The following VGLL4 variants were observed in gnomAD, a reference collection of about 807,000 sequenced individuals.
The protein encoded by VGLL4 is vestigial like family member 4, also known as transcription cofactor vestigial-like protein 4.
Under a neutral mutation model 21.0 loss-of-function variants are expected in VGLL4, and 7 were observed. That is an observed-to-expected ratio of 0.33 (90% CI 0.19 to 0.63). The LOEUF (loss-of-function observed/expected upper bound fraction) is 0.63. Ranked by LOEUF, VGLL4 falls within the 20% of genes least tolerant of loss-of-function variation. VGLL4 has a pLI of 0.78. For synonymous variants in VGLL4, 222 were observed against 173.2 expected (o/e 1.28, Z -2.21); for missense variants, 394 against 425.7 (o/e 0.93, Z 0.66).
chr3:11,646,603 T>C (rs555167117), upstream of VGLL4, among the ~76,000 whole-genome samples: 1 of 152,254 alleles, frequency 6.6e-6, no homozygotes, highest in East Asian at 1.9e-4. Context: ...TATTCACTTA[T>C]TTTGACATGA....
At chr3:11,590,866 A>G (rs904507040) in intron 2 of VGLL4, among the ~76,000 whole-genome samples, 17 of 152,336 alleles carry the variant, frequency 1.1e-4, no homozygotes, top group Non-Finnish European at 1.9e-4. Flanking sequence ...GCAAGAAATT[A>G]GAGGAAAATA....
chr3:11,563,462 C>T (rs763461284), intron 3 of VGLL4, among the ~76,000 whole-genome samples: 6 of 152,348 alleles, frequency 3.9e-5, no homozygotes, highest in Non-Finnish European at 7.3e-5. Flanking sequence ...TGCTGCTGCC[C>T]AACAGCACAA....
rs140865387 is a variant in VGLL4 at position 11,711,381 on chromosome 3, G to A, written c.-13-8334C>T. Among the ~76,000 whole-genome samples, 538 of 152,096 alleles carry A rather than the reference G, an allele frequency of 3.5e-3. 2 individuals are homozygous for A. The highest frequency in any genetic ancestry group is 0.013 in the African/African-American group (526 of 41,500). ...GGTGAAACCCCATCCCGGCTAACAT[G>A]GTGAAACCCCATCTCGACTAAAAGT... is the stretch of plus-strand genomic sequence containing the variant. On this transcript the variant is annotated intron_variant, in intron 1 of 5. Coordinates refer to the VGLL4 transcript ENST00000273038.
intron 1 of VGLL4, among the ~76,000 whole-genome samples, chr3:11,637,740 G>C (rs1444763790): frequency 2.0e-5 from 3 of 151,310 alleles, no homozygotes; most frequent in Admixed American, 1.3e-4. Context: ...AAGGAAAGGA[G>C]AGCAAATGAA....
intron 1 of VGLL4, among the ~76,000 whole-genome samples, chr3:11,637,098 A>G (rs2075603739): frequency 6.6e-6 from 1 of 151,994 alleles, no homozygotes; most frequent in African/African-American, 2.4e-5. Flanking sequence ...AATTAGACAC[A>G]TGGTAGTAAA....
intron 1 of VGLL4, among the ~76,000 whole-genome samples, chr3:11,618,059 G>A (rs770895357): frequency 8.5e-5 from 13 of 152,156 alleles, no homozygotes; most frequent in Non-Finnish European, 1.6e-4. Flanking sequence ...TCTGAGTTGT[G>A]AAGAACATCA....
intron 2 of VGLL4, among the ~76,000 whole-genome samples, chr3:11,678,044 G>C (rs1398261438): frequency 6.6e-6 from 1 of 152,028 alleles, no homozygotes; most frequent in Admixed American, 6.6e-5. Context: ...AAGAATAGAG[G>C]CTCCCTAGTT....
Position 11,701,387 on chromosome 3 carries a change from C to G in VGLL4, c.64+1584G>C, listed in dbSNP as rs566205257. Among the ~76,000 whole-genome samples the G allele has an allele frequency of 6.6e-4, 101 of 152,284 alleles. 1 individual carries two copies. The highest frequency in any genetic ancestry group is 1.1e-3 in the Non-Finnish European group (75 of 68,032). The stretch of plus-strand genomic sequence containing the variant: ...GACACTCATGCCATGCTTGTACAGC[C>G]TACAGCACCGTGAGCCAATTAAACT... On this transcript the variant is annotated intron_variant, in intron 2 of 5. Transcript: ENST00000273038.
chr3:11,710,393 C>T (rs1424655628), intron 1 of VGLL4: 2 of 152,198 alleles, frequency 1.3e-5, no homozygotes, highest in African/African-American at 4.8e-5. Flanking sequence ...GGCATGTTCA[C>T]TCCATGTCTG....
chr3:11,596,053 G>C (rs979207718), intron 2 of VGLL4, among the ~76,000 whole-genome samples: 9 of 152,120 alleles, frequency 5.9e-5, no homozygotes, highest in African/African-American at 2.2e-4. Flanking sequence ...ATATTTGCTT[G>C]ATTTACCAAA....
chr3:11,690,160 C>T (rs373423772), intron 2 of VGLL4, among the ~76,000 whole-genome samples: 1 of 152,238 alleles, frequency 6.6e-6, no homozygotes, highest in African/African-American at 2.4e-5. Context: ...TTTAATCCCC[C>T]CCTTTTCTTT....
intron 1 of VGLL4, chr3:11,627,198 T>TTA (rs199765763): frequency 8.5e-6 from 1 of 118,060 alleles, no homozygotes; most frequent in Admixed American, 8.5e-5. Context: ...TGTGTTTGTT[T>TTA]TATACACACA....
intron 2 of VGLL4, among the ~76,000 whole-genome samples, chr3:11,693,779 G>A (rs998403645): frequency 3.9e-5 from 6 of 152,324 alleles, no homozygotes; most frequent in Middle Eastern, 3.4e-3. Flanking sequence ...TGAACGTACG[G>A]CTGGTTACAG....
At chr3:11,661,361 T>A (rs2076034961) in intron 2 of VGLL4, among the ~76,000 whole-genome samples, 1 of 152,040 alleles carries the variant, frequency 6.6e-6, no homozygotes, top group African/African-American at 2.4e-5. Context: ...CAAGAAAAGG[T>A]CAATGAAGAC....
intron 2 of VGLL4, among the ~76,000 whole-genome samples, chr3:11,672,316 T>C (rs557527439): frequency 3.4e-4 from 52 of 152,332 alleles, no homozygotes; most frequent in African/African-American, 1.2e-3. Flanking sequence ...AACTTGACTA[T>C]TGAACACTGT....
intron 2 of VGLL4, among the ~76,000 whole-genome samples, chr3:11,569,497 A>C (rs2073687929): frequency 6.6e-6 from 1 of 152,240 alleles, no homozygotes; most frequent in African/African-American, 2.4e-5. Flanking sequence ...GTTGCCTGGC[A>C]GGAGTAGAAT....
chr3:11,668,936 G>T (rs1341084491), intron 2 of VGLL4, among the ~76,000 whole-genome samples: 3 of 152,138 alleles, frequency 2.0e-5, no homozygotes, highest in Non-Finnish European at 4.4e-5. Context: ...CAGGGTTCGT[G>T]CTGTTTCAAA....
At chr3:11,612,489 A>G (rs2075082255) in intron 1 of VGLL4, 1 of 152,254 alleles carries the variant, frequency 6.6e-6, no homozygotes, top group Admixed American at 6.5e-5. Context: ...AGCTTTGTAA[A>G]TCATAAGATT....
Position 11,557,190 on chromosome 3 carries a change from T to G in VGLL4, c.*1366A>C, listed in dbSNP as rs2072514983. ...CAGCTGTGACCTCCACAGCTGTGTCTGTCATGCTTGCTTCATCTAATTTCT... is the reference window on the plus strand; with the variant it reads ...CAGCTGTGACCTCCACAGCTGTGTCGGTCATGCTTGCTTCATCTAATTTCT... On this transcript the variant is annotated 3_prime_UTR_variant, in exon 5 of 5. Transcript: ENST00000430365. The G allele has an allele frequency of 6.5e-6, 1 of 152,796 alleles. No homozygotes were observed. The highest frequency in any genetic ancestry group is 2.4e-5 in the African/African-American group (1 of 41,470). 9.5% of individuals were successfully genotyped at this position (152,796 alleles called of 1,614,324 possible).
Sources: gnomAD v4.1 joint callset for allele counts (sites outside exome capture counted in the v4.1 genomes callset) on GRCh38, gnomAD v4.1.1 for gene constraint, MANE v1.5 for transcripts, NCBI Gene and HGNC (gene_info 2026-07-23, HGNC 2026-07-21) for gene names.